The following CYP2J2 variants were observed in gnomAD, a reference collection of about 807,000 sequenced individuals.
The protein encoded by CYP2J2 is cytochrome P450 2J2.
In CYP2J2, 41 loss-of-function variants were observed where a neutral mutation model predicts 48.8. The ratio of observed to expected loss-of-function variants is 0.84; its 90% CI spans 0.66 to 1.09. The LOEUF is 1.09. Among genes scored for constraint, CYP2J2 ranks in the 50% least tolerant of loss-of-function variants. The probability of loss-of-function intolerance (pLI) is 0.00; values close to 1 mark genes in which losing one functional copy is unlikely to be tolerated. For missense variants in CYP2J2, 644 were observed against 617.3 expected, an observed-to-expected ratio of 1.04 and a Z score of -0.46; for synonymous variants, 221 against 227.1, an observed-to-expected ratio of 0.97 and a Z score of 0.24.
At chr1:59,946,457 T>A in the CYP2J2 span, among the ~76,000 whole-genome samples, 1 of 152,234 alleles carries the variant, frequency 6.6e-6, no homozygotes, top group African/African-American at 2.4e-5. Context: ...CACCATTAAT[T>A]CTCATTTAGC....
intron 1 of CYP2J2, among the ~76,000 whole-genome samples, chr1:59,924,981 A>C (rs1410071767): frequency 2.0e-5 from 3 of 152,108 alleles, no homozygotes; most frequent in Admixed American, 1.3e-4. Flanking sequence ...TGCACATACT[A>C]ATCAGAAAAA....
chr1:59,941,304 T>C, the CYP2J2 span, among the ~76,000 whole-genome samples: 1 of 152,152 alleles, frequency 6.6e-6, no homozygotes, highest in Non-Finnish European at 1.5e-5. Context: ...AAAATTCCTA[T>C]CTCCTAGTGA....
intron 8 of CYP2J2, among the ~76,000 whole-genome samples, chr1:59,894,531 A>C (rs896634633): frequency 5.3e-5 from 8 of 152,168 alleles, no homozygotes; most frequent in African/African-American, 1.4e-4. Flanking sequence ...TGAAGGCAGA[A>C]GGGCAGAGAT....
chr1:59,919,977 G>A (rs1385210260), intron 1 of CYP2J2, among the ~76,000 whole-genome samples: 4 of 152,058 alleles, frequency 2.6e-5, no homozygotes, highest in African/African-American at 9.7e-5. Flanking sequence ...AAGTGTCAAA[G>A]TCTCTTGGGA....
chr1:59,900,144 G>C (rs371590863), intron 8 of CYP2J2, among the ~76,000 whole-genome samples: 1 of 152,056 alleles, frequency 6.6e-6, no homozygotes. Flanking sequence ...ATTTACAAAG[G>C]CCAAAGAACC....
At position 59,911,625 on chromosome 1, in the gene CYP2J2, C is replaced by A; in HGVS notation, c.667G>T (p.Ala223Ser). ...TGCCTTACCTGGCATGTCTTTGAAG[C>A]CTCCAAGTATGTGACTTCATCTAGT... ...KLLDEVTYLE[A>S]SKTCQLYNVF... Residue 223 changes from alanine to serine, a missense_variant, in exon 4 of 9, where the codon GCT (alanine) becomes TCT (serine). Transcript: ENST00000371204. The A allele has an allele frequency of 6.2e-7, 1 of 1,609,226 alleles. No individual in the cohort carries two copies. The highest frequency in any genetic ancestry group is 8.5e-7 in the Non-Finnish European group (1 of 1,177,500).
intron 1 of CYP2J2, among the ~76,000 whole-genome samples, chr1:59,924,952 AATAGAAATGC>A (rs977725292): frequency 1.3e-5 from 2 of 152,154 alleles, no homozygotes; most frequent in Non-Finnish European, 2.9e-5. Context: ...AAAGTTAAAG[AATAGAAATGC>A]ATATACCATG....
chr1:59,935,391 C>A, the CYP2J2 span, among the ~76,000 whole-genome samples: 1 of 151,950 alleles, frequency 6.6e-6, no homozygotes, highest in African/African-American at 2.4e-5. Flanking sequence ...GAGGGTAGAT[C>A]TTAAGTATTC....
the CYP2J2 span, among the ~76,000 whole-genome samples, chr1:59,941,160 A>G: frequency 6.6e-6 from 1 of 152,252 alleles, no homozygotes; most frequent in African/African-American, 2.4e-5. Context: ...ATTTTTGAGC[A>G]CTTCAAAGTT....
intron 8 of CYP2J2, among the ~76,000 whole-genome samples, chr1:59,900,125 T>G (rs1255846044): frequency 1.3e-5 from 2 of 152,208 alleles, no homozygotes; most frequent in African/African-American, 4.8e-5. Flanking sequence ...TTTTAAAAAA[T>G]GAATTAAAAT....
the CYP2J2 span, among the ~76,000 whole-genome samples, chr1:59,951,279 G>A: frequency 1.3e-5 from 2 of 152,162 alleles, no homozygotes; most frequent in Non-Finnish European, 2.9e-5. Flanking sequence ...ATTTATCTCT[G>A]ATCCTTCTCC....
rs573282437 is a variant in CYP2J2 at position 59,916,292 on chromosome 1, CCTT to C, written c.211-195_211-193del. The stretch of plus-strand genomic sequence containing the variant: ...TGGGAATGCTTTTATTTCCTTTTCT[CCTT>C]CTCTCAACAAGGCTCAGATTCAATT... On this transcript the variant is annotated intron_variant, in intron 1 of 8. Transcript: ENST00000371204. Among the ~76,000 whole-genome samples the C allele has an allele frequency of 7.2e-5, 11 of 152,038 alleles. No individual in the cohort carries two copies. In the South Asian group the frequency reaches 1.5e-3, roughly 20 times the overall value.
the CYP2J2 span, among the ~76,000 whole-genome samples, chr1:59,968,425 A>T: frequency 2.0e-5 from 3 of 151,908 alleles, no homozygotes; most frequent in Non-Finnish European, 4.4e-5. Flanking sequence ...AAGTACCTGG[A>T]CCCTCATGGC....
At chr1:59,903,621 C>G (rs553488652) in intron 7 of CYP2J2, among the ~76,000 whole-genome samples, 10 of 151,636 alleles carry the variant, frequency 6.6e-5, no homozygotes, top group Admixed American at 2.6e-4. Flanking sequence ...CAGCATCGTG[C>G]AATATACCCT....
chr1:59,931,716 T>A (rs1644605070), upstream of CYP2J2, among the ~76,000 whole-genome samples: 1 of 152,054 alleles, frequency 6.6e-6, no homozygotes, highest in Admixed American at 6.6e-5. Flanking sequence ...AACCTGTTTA[T>A]CCAAAAAAGT....
the CYP2J2 span, among the ~76,000 whole-genome samples, chr1:59,935,023 T>C: frequency 6.6e-3 from 493 of 75,226 alleles, 5 homozygotes; most frequent in Middle Eastern, 0.014. Context: ...TACATATATA[T>C]ATATATATAT....
chr1:59,927,756 A>G (rs572818779), upstream of CYP2J2, among the ~76,000 whole-genome samples: 124 of 152,100 alleles, frequency 8.2e-4, no homozygotes, highest in African/African-American at 2.7e-3. Flanking sequence ...TATTTTTGGT[A>G]CAGATGGGGT....
At chr1:59,923,330 A>C (rs1644534348) in intron 1 of CYP2J2, among the ~76,000 whole-genome samples, 1 of 152,224 alleles carries the variant, frequency 6.6e-6, no homozygotes, top group African/African-American at 2.4e-5. Context: ...TCAGAATCTA[A>C]ATAGGCTATA....
chr1:59,967,144 C>T, the CYP2J2 span, among the ~76,000 whole-genome samples: 1 of 152,144 alleles, frequency 6.6e-6, no homozygotes, highest in Non-Finnish European at 1.5e-5. Flanking sequence ...CAAAAGCTTA[C>T]ACGAGTTTTA....
Sources: allele counts gnomAD v4.1 joint callset (sites outside exome capture counted in the v4.1 genomes callset), GRCh38; gene constraint gnomAD v4.1.1; transcripts MANE v1.5; gene names NCBI Gene and HGNC (gene_info 2026-07-23, HGNC 2026-07-21).